Variants in ETV1 observed in about 807,000 individuals in gnomAD.
ETV1 encodes ETS translocation variant 1.
A neutral mutation model predicts 62.3 loss-of-function variants in ETV1; 27 were observed. The ratio of observed to expected loss-of-function variants is 0.43; its 90% CI spans 0.32 to 0.60. The LOEUF (loss-of-function observed/expected upper bound fraction) is 0.60. Among genes scored for constraint, ETV1 ranks in the 20% least tolerant of loss-of-function variants. The pLI, the probability that ETV1 is intolerant of heterozygous loss-of-function variation, is 0.06. For synonymous variants in ETV1, 222 were observed against 199.6 expected (o/e 1.11, Z -0.94); for missense variants, 605 against 605.8 (o/e 1.00, Z 0.01).
rs974404301 is a variant in ETV1, at chr7:13,895,118, T to G, written c.*748A>C. The G allele has an allele frequency of 8.6e-6, 2 of 233,404 alleles. No individual in the cohort carries two copies. Among genetic ancestry groups the G allele is most frequent in the African/African-American group, 4.4e-5 (2 of 45,338 alleles). 14.5% of individuals were successfully genotyped at this position (233,404 alleles called of 1,614,324 possible). A position where few individuals can be genotyped will look rare whatever the true frequency, so the allele number is the denominator to read the frequency against. ...AATATTTAAAAGACGGTATGATTTGTATCTAAACAGCAAGGTGGCACCAGA... is the reference window on the plus strand; with the variant it reads ...AATATTTAAAAGACGGTATGATTTGGATCTAAACAGCAAGGTGGCACCAGA... On this transcript the variant is annotated 3_prime_UTR_variant, in exon 14 of 14. Transcript: ENST00000430479.
chr7:13,930,796 A>AT (rs112701002), intron 9 of ETV1, among the ~76,000 whole-genome samples: 102 of 115,036 alleles, frequency 8.9e-4, no homozygotes, highest in Admixed American at 2.2e-3. Flanking sequence ...ACCAATATAT[A>AT]TTTTTTTTTT....
rs964195550 is a variant in ETV1, at chr7:13,895,521, T to C, written c.*345A>G. ...CCCCGATAAAATAAACATTATCTTA[T>C]GTTGTTATGAAATCAAACAGACATG... On this transcript the variant is annotated 3_prime_UTR_variant, in exon 14 of 14. Coordinates refer to ENST00000430479, the MANE Select transcript of ETV1 (RefSeq NM_004956.5). The C allele has an allele frequency of 3.4e-6, 1 of 293,030 alleles. No homozygotes were observed. The highest frequency in any genetic ancestry group is 9.4e-5 in the South Asian group (1 of 10,668). The allele number at this position is 293,030 out of a possible 1,614,324, so 18.2% of individuals were successfully genotyped here.
At chr7:13,913,637 C>T (rs956285066) in intron 9 of ETV1, among the ~76,000 whole-genome samples, 2 of 152,042 alleles carry the variant, frequency 1.3e-5, no homozygotes, top group Non-Finnish European at 2.9e-5. Flanking sequence ...AGTACTTTAA[C>T]CACAGTACTT....
Position 13,977,444 on chromosome 7 carries a change from T to C in ETV1, c.218A>G (p.Asp73Gly). 3 of 1,546,256 alleles carry C rather than the reference T, an allele frequency of 1.9e-6. No individual in the cohort carries two copies. The highest frequency in any genetic ancestry group is 2.6e-6 in the Non-Finnish European group (3 of 1,142,864). Residue 73 changes from aspartate (D) to glycine (G), a missense_variant, in exon 6 of 14, where the codon GAC becomes GGC. Physicochemically the swap from Asp to Gly is moderately conservative, Grantham distance 94. Transcript: ENST00000430479. Reference protein sequence around the residue: ...VPDNDEQFVPDYQAESLAFHG... With the variant: ...VPDNDEQFVPGYQAESLAFHG... ...ATACTTACAACTTTCAGCCTGATAG[T>C]CTGGTACAAACTGCTCATCATTGTC...
intron 6 of ETV1, among the ~76,000 whole-genome samples, chr7:13,945,095 T>C (rs1788002911): frequency 6.6e-6 from 1 of 152,144 alleles, no homozygotes; most frequent in Non-Finnish European, 1.5e-5. Context: ...GCAACCCAGT[T>C]TGTGATACTT....
chr7:13,912,329 T>G (rs199646441), intron 9 of ETV1, among the ~76,000 whole-genome samples: 1 of 152,206 alleles, frequency 6.6e-6, no homozygotes, highest in Non-Finnish European at 1.5e-5. Context: ...TTTTAACATA[T>G]GACAAAATTA....
chr7:13,911,086 C>G (rs150363780), intron 10 of ETV1, among the ~76,000 whole-genome samples, 153 bp downstream of exon 10: 8 of 152,268 alleles, frequency 5.3e-5, no homozygotes, highest in African/African-American at 1.7e-4. Context: ...GAAACATCTT[C>G]TTTTTACTTT....
At chr7:13,910,267 G>GA (rs1362813475) in intron 10 of ETV1, among the ~76,000 whole-genome samples, 1 of 105,268 alleles carries the variant, frequency 9.5e-6, no homozygotes, top group Non-Finnish European at 1.9e-5. Flanking sequence ...TAAGTCCACA[G>GA]AAAAAAATGC....
rs1405463346 is a variant in ETV1, at chr7:13,895,351, T to G, written c.*515A>C. 1 of 234,530 alleles carries G rather than the reference T, an allele frequency of 4.3e-6. No individual in the cohort carries two copies. Among genetic ancestry groups the G allele is most frequent in the East Asian group, 6.0e-5 (1 of 16,570 alleles). The allele number at this position is 234,530 out of a possible 1,614,324, so 14.5% of individuals were successfully genotyped here. The stretch of plus-strand genomic sequence containing the variant: ...TTTACAAGTGGTGCAAAAACAGTCA[T>G]TTCTAACAATTAAACTGCCATTTAC... On this transcript the variant is annotated 3_prime_UTR_variant, in exon 14 of 14. Coordinates refer to ENST00000430479, the MANE Select transcript of ETV1 (RefSeq NM_004956.5).
chr7:13,977,296 G>T, intron 6 of ETV1, 131 bp downstream of exon 6: 2 of 576,712 alleles, frequency 3.5e-6, no homozygotes, highest in Admixed American at 3.4e-5. Context: ...ATCATCTTAT[G>T]GCTGTAAGTT....
chr7:13,899,798 A>G (rs1782221171), intron 13 of ETV1, among the ~76,000 whole-genome samples: 1 of 152,176 alleles, frequency 6.6e-6, no homozygotes, highest in South Asian at 2.1e-4. Context: ...ATTTTATTTT[A>G]AGTGTAATTC....
intron 13 of ETV1, among the ~76,000 whole-genome samples, chr7:13,896,749 A>AAAGAAAGAAAG (rs1781854108): frequency 7.2e-6 from 1 of 138,138 alleles, no homozygotes; most frequent in Non-Finnish European, 1.6e-5. Context: ...GAAAGGAAAG[A>AAAGAAAGAAAG]AAGAAAGAAA....
intron 7 of ETV1, among the ~76,000 whole-genome samples, chr7:13,938,818 T>G (rs1787118561): frequency 6.6e-6 from 1 of 152,212 alleles, no homozygotes; most frequent in African/African-American, 2.4e-5. Context: ...GCATTCATTC[T>G]AATGGGAACT....
rs551346791 is a variant in ETV1 at position 13,951,351 on chromosome 7, C to A, written c.236-12105G>T. On this transcript the variant is annotated intron_variant, in intron 6 of 13. Transcript: ENST00000430479. ...CACTTAAATCTGCCTAGTTCCAAAT[C>A]TTGCCACTGCCACTTATTAACTATA... Among the ~76,000 whole-genome samples the A allele has an allele frequency of 3.3e-4, 51 of 152,316 alleles. No homozygotes were observed. The South Asian group carries it at 0.011, about 32-fold the overall frequency.
chr7:13,952,167 T>G (rs1385971722), intron 6 of ETV1, among the ~76,000 whole-genome samples: 1 of 152,196 alleles, frequency 6.6e-6, no homozygotes, highest in Non-Finnish European at 1.5e-5. Context: ...TCGAGTAATC[T>G]CTACCCAGTT....
intron 9 of ETV1, among the ~76,000 whole-genome samples, chr7:13,929,113 GT>G (rs935020639): frequency 2.0e-5 from 3 of 152,158 alleles, no homozygotes; most frequent in African/African-American, 7.2e-5. Flanking sequence ...TTAAAATGTG[GT>G]TTGGGGAATA....
chr7:13,966,923 G>A (rs1291837070), intron 6 of ETV1, among the ~76,000 whole-genome samples: 3 of 151,864 alleles, frequency 2.0e-5, no homozygotes, highest in Non-Finnish European at 4.4e-5. Flanking sequence ...CATATAATAG[G>A]GACTCAAAAC....
At chr7:13,908,319 G>A (rs1306373626) in intron 11 of ETV1, among the ~76,000 whole-genome samples, 2 of 152,038 alleles carry the variant, frequency 1.3e-5, no homozygotes, top group Non-Finnish European at 2.9e-5. Context: ...TTGTAATTCT[G>A]TCCATAATTT....
At chr7:13,967,231 C>T (rs538282207) in intron 6 of ETV1, among the ~76,000 whole-genome samples, 10 of 152,180 alleles carry the variant, frequency 6.6e-5, no homozygotes, top group African/African-American at 2.4e-4. Flanking sequence ...CAACTCAAGC[C>T]TCTTCAACAG....
Sources: allele counts gnomAD v4.1 joint callset (sites outside exome capture counted in the v4.1 genomes callset), GRCh38; gene constraint gnomAD v4.1.1; transcripts MANE v1.5; gene names NCBI Gene and HGNC (gene_info 2026-07-23, HGNC 2026-07-21).